Variants in NIPBL observed in about 807,000 individuals in gnomAD.
NIPBL encodes the protein NIPBL cohesin loading factor, also known as nipped-B-like protein.
A neutral mutation model predicts 321.8 loss-of-function variants in NIPBL; 19 were observed. That is an observed-to-expected ratio of 0.06 (90% CI 0.04 to 0.09). NIPBL has a LOEUF of 0.09. Among genes scored for constraint, NIPBL ranks in the 10% least tolerant of loss-of-function variants. The pLI is 1.00. For synonymous variants in NIPBL, 1,106 were observed against 1,114.1 expected (o/e 0.99, Z 0.14); for missense variants, 2,210 against 3,327.0 (o/e 0.66, Z 8.26).
intron 10 of NIPBL, among the ~76,000 whole-genome samples, chr5:36,990,316 T>G (rs1208778064): frequency 5.3e-5 from 8 of 152,218 alleles, no homozygotes; most frequent in Admixed American, 2.6e-4. Flanking sequence ...ATCAGCTGGT[T>G]GCCTTTTACT....
intron 1 of NIPBL, among the ~76,000 whole-genome samples, chr5:36,928,101 G>T (rs1039871970): frequency 2.0e-5 from 3 of 152,116 alleles, no homozygotes; most frequent in Non-Finnish European, 4.4e-5. Flanking sequence ...TTGAATGTGT[G>T]GTCTTGAACA....
intron 6 of NIPBL, among the ~76,000 whole-genome samples, chr5:36,968,748 A>C (rs962336026): frequency 4.6e-5 from 7 of 152,222 alleles, no homozygotes; most frequent in Admixed American, 3.9e-4. Context: ...GGTAGAAAAA[A>C]TTAGAAACAT....
intron 19 of NIPBL, among the ~76,000 whole-genome samples, chr5:37,008,327 A>G (rs958342318): frequency 6.6e-6 from 1 of 152,018 alleles, no homozygotes; most frequent in African/African-American, 2.4e-5. Flanking sequence ...AATATTTGCA[A>G]ATATTTCAGC....
intron 1 of NIPBL, among the ~76,000 whole-genome samples, chr5:36,922,416 G>A (rs1186282083): frequency 6.6e-6 from 1 of 152,008 alleles, no homozygotes; most frequent in Non-Finnish European, 1.5e-5. Context: ...CACTTGAGTA[G>A]TATATTCATA....
At chr5:36,882,565 A>G (rs938315904) in intron 1 of NIPBL, among the ~76,000 whole-genome samples, 2 of 151,968 alleles carry the variant, frequency 1.3e-5, no homozygotes, top group African/African-American at 4.8e-5. Context: ...GAACCACCCA[A>G]CTACTCAGTG....
intron 21 of NIPBL, among the ~76,000 whole-genome samples, chr5:37,012,670 T>C (rs1748308984): frequency 6.6e-6 from 1 of 152,142 alleles, no homozygotes; most frequent in African/African-American, 2.4e-5. Context: ...GTGATGACTC[T>C]TAAGGAGCAT....
In NIPBL at chr5:37,020,784, T is replaced by C. The variant is rs1467410231; in HGVS notation, c.5235T>C (p.Ser1745=). 1.2e-6 allele frequency: 2 copies of C among 1,613,868 alleles called. No individual in the cohort carries two copies. The highest frequency in any genetic ancestry group is 2.7e-5 in the African/African-American group (2 of 74,940). ...PSQFSTLKMN[S]DTVDYDDACL... is the part of the protein sequence containing the mutation. ...TGACTTTTTGTTGCAGGATGAACTC[T>C]GATACTGTGGACTATGATGATGCTT... The change falls in exon 27 of 47, where the codon TCT becomes TCC. Residue 1745 remains serine, a synonymous_variant. Coordinates refer to ENST00000282516, the MANE Select transcript of NIPBL (RefSeq NM_133433.4).
chr5:37,006,907 T>C (rs1747500643), intron 17 of NIPBL, among the ~76,000 whole-genome samples: 2 of 151,986 alleles, frequency 1.3e-5, no homozygotes, highest in Admixed American at 6.6e-5. Flanking sequence ...ATACTCCTTT[T>C]CTTGTTCTTA....
At chr5:37,062,199 G>A (rs187423193) in intron 45 of NIPBL, among the ~76,000 whole-genome samples, 28 of 152,242 alleles carry the variant, frequency 1.8e-4, no homozygotes, top group South Asian at 4.1e-4. Flanking sequence ...GGTTGAATCC[G>A]CAGGTGCGGA....
intron 43 of NIPBL, among the ~76,000 whole-genome samples, chr5:37,057,846 T>C (rs1469728940): frequency 6.6e-6 from 1 of 152,180 alleles, no homozygotes; most frequent in African/African-American, 2.4e-5. Context: ...TGTCATGACT[T>C]TTAGGAGGAA....
rs1458342420 is a variant in NIPBL, at chr5:36,933,113, G to A, written c.-79-20505G>A. Among the ~76,000 whole-genome samples the A allele has an allele frequency of 2.0e-5, 3 of 151,912 alleles. No individual in the cohort carries two copies. The East Asian group carries it at 5.8e-4, about 29-fold the overall frequency. ...GTTAAATTTTTATTCCAGTATAGTA[G>A]TAGAAAAACTCTTCCTTTAATAAAG... On this transcript the variant is annotated intron_variant, in intron 1 of 46. Transcript: ENST00000282516.
Position 37,003,225 on chromosome 5 carries a change from C to G in NIPBL, c.3769-36C>G, listed in dbSNP as rs768574984. ...TTTCTTGAATAATATATAACTTTTA[C>G]CAACGATTGATAAAGAATTTATATT... is the stretch of plus-strand genomic sequence containing the variant. On this transcript the variant is annotated intron_variant, in intron 15 of 46. Coordinates refer to ENST00000282516, the MANE Select transcript of NIPBL (RefSeq NM_133433.4). The G allele has an allele frequency of 5.9e-6, 7 of 1,190,756 alleles. No homozygotes were observed. In the East Asian group the frequency reaches 1.2e-4, roughly 20 times the overall value. The allele number at this position is 1,190,756 out of a possible 1,614,324, so 73.8% of individuals were successfully genotyped here. A position where few individuals can be genotyped will look rare whatever the true frequency, so the allele number is the denominator to read the frequency against.
chr5:36,982,623 T>G (rs1744271571), intron 9 of NIPBL, among the ~76,000 whole-genome samples: 1 of 151,872 alleles, frequency 6.6e-6, no homozygotes. Context: ...AATCATAGGA[T>G]TCATAGTTTA....
intron 41 of NIPBL, 71 bp from the exon 42 acceptor site, chr5:37,052,295 A>G (rs181982058): frequency 3.6e-4 from 429 of 1,195,022 alleles, no homozygotes; most frequent in Middle Eastern, 4.5e-4. Context: ...TCAGAATGTA[A>G]TGCTCTAAGT....
At chr5:36,949,227 T>A (rs1469607520) in intron 1 of NIPBL, among the ~76,000 whole-genome samples, 2 of 151,900 alleles carry the variant, frequency 1.3e-5, no homozygotes, top group Non-Finnish European at 2.9e-5. Context: ...GAGCTTGGAT[T>A]CAAACACACA....
chr5:36,919,222 T>C (rs1748725131), intron 1 of NIPBL, among the ~76,000 whole-genome samples: 1 of 152,180 alleles, frequency 6.6e-6, no homozygotes, highest in Admixed American at 6.5e-5. Flanking sequence ...AAAATTAGTT[T>C]AATAAAAGAG....
chr5:37,049,930 T>C (rs1008933326), intron 40 of NIPBL, among the ~76,000 whole-genome samples: 1 of 152,172 alleles, frequency 6.6e-6, no homozygotes, highest in African/African-American at 2.4e-5. Context: ...ATTTTGGGTA[T>C]TTTTCATGGA....
chr5:36,966,576 T>C (rs1419325720), intron 6 of NIPBL, among the ~76,000 whole-genome samples: 1 of 152,092 alleles, frequency 6.6e-6, no homozygotes, highest in African/African-American at 2.4e-5. Flanking sequence ...TGTGGGATGA[T>C]ACTTTGAGAT....
chr5:36,906,606 T>G (rs901084877), intron 1 of NIPBL, among the ~76,000 whole-genome samples: 1 of 152,240 alleles, frequency 6.6e-6, no homozygotes, highest in African/African-American at 2.4e-5. Flanking sequence ...AGTGAAAATT[T>G]AATCAACTGT....
Sources: gnomAD v4.1 joint callset for allele counts (sites outside exome capture counted in the v4.1 genomes callset) on GRCh38, gnomAD v4.1.1 for gene constraint, MANE v1.5 for transcripts, NCBI Gene and HGNC (gene_info 2026-07-23, HGNC 2026-07-21) for gene names.